OPHN1: variants seen among roughly 807,000 people sequenced by gnomAD.
The protein encoded by OPHN1 is oligophrenin-1.
OPHN1 carries 11 observed loss-of-function variants against 60.7 expected under a neutral mutation model. The ratio of observed to expected loss-of-function variants is 0.18; its 90% CI spans 0.11 to 0.30. OPHN1 has a LOEUF of 0.30. OPHN1 is among the 10% of genes least tolerant of loss of function. The pLI is 1.00. For missense variants in OPHN1, 449 were observed against 611.0 expected (o/e 0.73, Z 2.80); for synonymous variants, 226 against 222.6 (o/e 1.02, Z -0.14).
chrX:68,212,649 C>T (rs2077590000), intron 7 of OPHN1, among the ~76,000 whole-genome samples: 1 of 112,248 alleles, frequency 8.9e-6, no homozygotes, highest in Non-Finnish European at 1.9e-5. Context: ...CAGTATAGCG[C>T]TAAACGCAGT....
intron 6 of OPHN1, among the ~76,000 whole-genome samples, chrX:68,227,928 G>C (rs753627023): frequency 1.8e-5 from 2 of 110,509 alleles, no homozygotes; most frequent in South Asian, 7.7e-4. Context: ...AAGGAGATAA[G>C]AGACACAAAA....
chrX:68,188,208 A>G (rs2077472127), intron 15 of OPHN1, among the ~76,000 whole-genome samples: 1 of 112,613 alleles, frequency 8.9e-6, no homozygotes. Flanking sequence ...GCATTATGTC[A>G]GGTGAGAACT....
chrX:68,045,307 C>G lies in OPHN1; in HGVS notation c.*1865G>C, dbSNP rs1471933754. ...CCACTCAATTACTTTCAAAAAGGCT[C>G]TCAGTGTACTTGGCCTTACATGTTC... On this transcript the variant is annotated 3_prime_UTR_variant, in exon 25 of 25. Transcript: ENST00000355520. The G allele has an allele frequency of 2.7e-5, 3 of 112,154 alleles. No homozygotes were observed. Among genetic ancestry groups the G allele is most frequent in the Non-Finnish European group, 3.8e-5 (2 of 53,222 alleles). 9.2% of individuals were successfully genotyped at this position (112,154 alleles called of 1,213,427 possible).
At chrX:68,347,038 T>C (rs189371984) in intron 2 of OPHN1, among the ~76,000 whole-genome samples, 2 of 111,914 alleles carry the variant, frequency 1.8e-5, no homozygotes, top group Admixed American at 9.5e-5. Context: ...TGCTATAATA[T>C]GTCAGAGGAA....
intron 6 of OPHN1, among the ~76,000 whole-genome samples, chrX:68,227,924 A>G (rs1000607306): frequency 1.8e-5 from 2 of 111,355 alleles, no homozygotes; most frequent in African/African-American, 6.5e-5. Context: ...ACTGAAGGAG[A>G]TAAGAGACAC....
intron 21 of OPHN1, among the ~76,000 whole-genome samples, chrX:68,054,591 A>C (rs1192130605): frequency 8.9e-6 from 1 of 111,968 alleles, no homozygotes; most frequent in Non-Finnish European, 1.9e-5. Context: ...AACAAAAAAA[A>C]CACTTAAGAA....
intron 15 of OPHN1, among the ~76,000 whole-genome samples, chrX:68,169,135 A>G (rs988145748): frequency 3.0e-4 from 33 of 111,464 alleles, no homozygotes; most frequent in African/African-American, 1.1e-3. Context: ...ATACACCAAT[A>G]ACAGACAAAC....
At chrX:68,093,401 T>G (rs1408828003) in intron 19 of OPHN1, among the ~76,000 whole-genome samples, 2 of 111,733 alleles carry the variant, frequency 1.8e-5, no homozygotes, top group African/African-American at 6.5e-5. Context: ...TATAAAGGTT[T>G]TGTGTGGACA....
chrX:68,348,544 A>T (rs182262624), intron 2 of OPHN1, among the ~76,000 whole-genome samples: 3 of 111,425 alleles, frequency 2.7e-5, no homozygotes, highest in African/African-American at 9.8e-5. Flanking sequence ...GTCAAAAAAA[A>T]AAAGTGGTTG....
At chrX:68,133,989 A>T (rs192438810) in intron 15 of OPHN1, among the ~76,000 whole-genome samples, 45 of 110,264 alleles carry the variant, frequency 4.1e-4, no homozygotes, top group Non-Finnish European at 7.6e-4. Context: ...AGCCTAGCCA[A>T]TATGGTGAAA....
In OPHN1 at chrX:68,118,272, T is replaced by C. The variant is rs1184979970; in HGVS notation, c.1361+976A>G. 3.6e-5 allele frequency among the ~76,000 whole-genome samples: 4 copies of C among 111,560 alleles called. No individual in the cohort carries two copies. The Admixed American group carries it at 3.8e-4, about 11-fold the overall frequency. On this transcript the variant is annotated intron_variant, in intron 16 of 24. Transcript: ENST00000355520. ...AGTACCACCTAGTACACTCGGTTAA[T>C]GGGAGAAAAAAACAATGACACTATC...
chrX:68,348,697 A>G (rs1411299317), intron 2 of OPHN1, among the ~76,000 whole-genome samples: 2 of 111,765 alleles, frequency 1.8e-5, no homozygotes, highest in Non-Finnish European at 3.8e-5. Flanking sequence ...ATTTGGTGAC[A>G]AGCATTGTGA....
At chrX:68,386,923 A>C (rs1195698231) in intron 2 of OPHN1, among the ~76,000 whole-genome samples, 1 of 111,627 alleles carries the variant, frequency 9.0e-6, no homozygotes, top group Non-Finnish European at 1.9e-5. Flanking sequence ...GGAGAGGAAC[A>C]ACACCTTGTT....
chrX:68,308,448 C>A (rs1042356834), intron 2 of OPHN1, among the ~76,000 whole-genome samples: 1 of 108,741 alleles, frequency 9.2e-6, no homozygotes, highest in Non-Finnish European at 1.9e-5. Context: ...AAAAATCAGG[C>A]AGGCGTGGTG....
At chrX:68,173,994 C>G (rs1033328978) in intron 15 of OPHN1, among the ~76,000 whole-genome samples, 1 of 112,006 alleles carries the variant, frequency 8.9e-6, no homozygotes, top group African/African-American at 3.2e-5. Flanking sequence ...CAAGAATGAT[C>G]TGAGTGCCGG....
At chrX:68,330,935 A>AAT (rs2078291520) in intron 2 of OPHN1, among the ~76,000 whole-genome samples, 1 of 105,757 alleles carries the variant, frequency 9.5e-6, no homozygotes, top group South Asian at 3.9e-4. Flanking sequence ...AATATATTTA[A>AAT]ATATATATTT....
At chrX:68,157,733 AT>A (rs1371739467) in intron 15 of OPHN1, among the ~76,000 whole-genome samples, 1 of 111,720 alleles carries the variant, frequency 9.0e-6, no homozygotes, top group Non-Finnish European at 1.9e-5. Context: ...ATAAAATAAA[AT>A]AAAAAGTCTA....
At chrX:68,254,676 G>A (rs955152124) in intron 5 of OPHN1, among the ~76,000 whole-genome samples, 1 of 111,133 alleles carries the variant, frequency 9.0e-6, no homozygotes, top group Non-Finnish European at 1.9e-5. Context: ...GGCAACTTTG[G>A]TAAGACATTT....
intron 6 of OPHN1, among the ~76,000 whole-genome samples, chrX:68,229,003 T>C (rs1465830996): frequency 9.0e-6 from 1 of 111,127 alleles, no homozygotes; most frequent in Non-Finnish European, 1.9e-5. Context: ...GATTGAATAT[T>C]TAGAAAACCC....
Sources: gnomAD v4.1 joint callset for allele counts (sites outside exome capture counted in the v4.1 genomes callset) on GRCh38, gnomAD v4.1.1 for gene constraint, MANE v1.5 for transcripts, NCBI Gene and HGNC (gene_info 2026-07-23, HGNC 2026-07-21) for gene names.